DLG1: variants seen among roughly 807,000 people sequenced by gnomAD.
DLG1 encodes disks large homolog 1.
In DLG1, 42 loss-of-function variants were observed where a neutral mutation model predicts 123.4. The ratio of observed to expected loss-of-function variants is 0.34; its 90% CI spans 0.27 to 0.44. The LOEUF is 0.44. DLG1 is among the 20% of genes least tolerant of loss of function. DLG1 has a pLI of 1.00. For synonymous variants in DLG1, 317 were observed against 356.2 expected (o/e 0.89, Z 1.24); for missense variants, 942 against 1,082.6 (o/e 0.87, Z 1.82).
chr3:197,065,165 ATTCATCACATTAAC>A (rs1738699052), intron 22 of DLG1, 97 bp downstream of exon 22: 2 of 1,029,110 alleles, frequency 1.9e-6, no homozygotes, highest in Non-Finnish European at 1.3e-6. Context: ...AGGTAAGCAA[ATTCATCACATTAAC>A]AAAACTAATT....
At chr3:197,245,364 T>C (rs73088436) in intron 4 of DLG1, among the ~76,000 whole-genome samples, 1,633 of 152,300 alleles carry the variant, frequency 0.011, 32 homozygotes, top group African/African-American at 0.037. Flanking sequence ...TGATCTACTA[T>C]CACCAGTAGA....
At chr3:197,260,262 T>C (rs1357631815) in intron 4 of DLG1, 1 of 438,308 alleles carries the variant, frequency 2.3e-6, no homozygotes, top group Non-Finnish European at 4.6e-6. Context: ...ATCTTACCTT[T>C]GTGGTTACAA....
chr3:197,176,839 C>T (rs899501437), intron 5 of DLG1, among the ~76,000 whole-genome samples: 1 of 152,052 alleles, frequency 6.6e-6, no homozygotes, highest in Non-Finnish European at 1.5e-5. Flanking sequence ...ACTGCTGGAT[C>T]GTATGGTCAA....
At chr3:197,081,434 T>C (rs1751070198) in intron 16 of DLG1, among the ~76,000 whole-genome samples, 1 of 152,228 alleles carries the variant, frequency 6.6e-6, no homozygotes, top group African/African-American at 2.4e-5. Context: ...CAAGTTTTGT[T>C]TGTTTTTAAG....
At chr3:197,098,374 AAT>A (rs1247979003) in intron 14 of DLG1, among the ~76,000 whole-genome samples, 2 of 152,198 alleles carry the variant, frequency 1.3e-5, no homozygotes, top group Non-Finnish European at 2.9e-5. Flanking sequence ...GATGCAGAAA[AAT>A]ATTCTTTCTT....
intron 17 of DLG1, 72 bp downstream of exon 17, chr3:197,080,979 G>A (rs1750795768): frequency 7.2e-7 from 1 of 1,393,900 alleles, no homozygotes; most frequent in South Asian, 1.2e-5. Flanking sequence ...AATTCTGATA[G>A]CAAAATCCTT....
At chr3:197,143,662 T>C (rs1440228864) in intron 6 of DLG1, among the ~76,000 whole-genome samples, 2 of 152,254 alleles carry the variant, frequency 1.3e-5, no homozygotes, top group Non-Finnish European at 2.9e-5. Context: ...TGTCTTCGAA[T>C]GAACTGACCC....
intron 4 of DLG1, chr3:197,260,551 A>C: frequency 6.2e-6 from 1 of 162,330 alleles, no homozygotes. Context: ...TTATCCCACA[A>C]AACACTGTGG....
At chr3:197,259,838 T>C (rs1361318752) in intron 4 of DLG1, among the ~76,000 whole-genome samples, 1 of 151,978 alleles carries the variant, frequency 6.6e-6, no homozygotes. Flanking sequence ...ATTTTCCTCT[T>C]CCTAAAAAAA....
At chr3:197,296,665 CA>C (rs1300464652) in intron 2 of DLG1, 188 bp from the exon 3 acceptor site, 5 of 494,206 alleles carry the variant, frequency 1.0e-5, no homozygotes, top group Non-Finnish European at 1.8e-5. Context: ...TAAAGAAATA[CA>C]AGAAAAATTT....
At chr3:197,069,001 AAAT>A (rs539213602) in intron 19 of DLG1, among the ~76,000 whole-genome samples, 52 of 124,430 alleles carry the variant, frequency 4.2e-4, no homozygotes, top group African/African-American at 1.2e-3. Context: ...TCATGTACAC[AAAT>A]AATATTTTTA....
chr3:197,100,389 A>G (rs1212985844), intron 14 of DLG1, among the ~76,000 whole-genome samples: 1 of 152,244 alleles, frequency 6.6e-6, no homozygotes, highest in African/African-American at 2.4e-5. Flanking sequence ...GTCACTTGCA[A>G]AATAGGGATT....
intron 4 of DLG1, among the ~76,000 whole-genome samples, chr3:197,251,425 C>A (rs527981646): frequency 4.6e-5 from 7 of 151,952 alleles, no homozygotes; most frequent in African/African-American, 7.3e-5. Context: ...CAAATAAGCA[C>A]GGTACTGGAA....
chr3:197,064,943 A>G (rs373741749), intron 22 of DLG1, among the ~76,000 whole-genome samples: 1 of 151,850 alleles, frequency 6.6e-6, no homozygotes, highest in Non-Finnish European at 1.5e-5. Flanking sequence ...AGTAGCTAGG[A>G]CTGTAAGGGT....
chr3:197,194,623 A>G, intron 4 of DLG1, 34 bp from the exon 5 acceptor site: 2 of 1,494,972 alleles, frequency 1.3e-6, no homozygotes, highest in Non-Finnish European at 1.8e-6. Context: ...AAGCCCTGAT[A>G]AGCAACATGA....
chr3:197,274,216 C>A (rs1765310323), intron 4 of DLG1, among the ~76,000 whole-genome samples: 1 of 152,158 alleles, frequency 6.6e-6, no homozygotes, highest in African/African-American at 2.4e-5. Flanking sequence ...GCTACAGTCA[C>A]CAAGTGAGCA....
rs1029901028 is a variant in DLG1 at position 197,168,499 on chromosome 3, G to A, written c.484-18703C>T. Among the ~76,000 whole-genome samples the A allele has an allele frequency of 2.8e-4, 42 of 152,298 alleles. 1 individual carries two copies. Among genetic ancestry groups the A allele is most frequent in the Middle Eastern group, 3.4e-3 (1 of 294 alleles). On this transcript the variant is annotated intron_variant, in intron 5 of 24. Transcript: ENST00000667157. ...ATCAGATCTGATCACAGGATGCTTT[G>A]GGCAAAGGTTTTAGAGCAGGGTAAA...
chr3:197,242,580 C>A (rs902021581), intron 4 of DLG1, among the ~76,000 whole-genome samples: 1 of 151,566 alleles, frequency 6.6e-6, no homozygotes, highest in African/African-American at 2.4e-5. Context: ...GAAATCATAT[C>A]AAATATCTTT....
chr3:197,112,356 C>T (rs1329524657), intron 13 of DLG1, among the ~76,000 whole-genome samples: 1 of 152,274 alleles, frequency 6.6e-6, no homozygotes, highest in Non-Finnish European at 1.5e-5. Context: ...TCATTCACTG[C>T]GGTTTGTGCA....
Sources: gnomAD v4.1 joint callset for allele counts (sites outside exome capture counted in the v4.1 genomes callset) on GRCh38, gnomAD v4.1.1 for gene constraint, MANE v1.5 for transcripts, NCBI Gene and HGNC (gene_info 2026-07-23, HGNC 2026-07-21) for gene names.